Variants in ADCK1 observed in about 807,000 individuals in gnomAD.
ADCK1 encodes aarF domain containing kinase 1.
Under a neutral mutation model 52.3 loss-of-function variants are expected in ADCK1, and 41 were observed. That is an observed-to-expected ratio of 0.78 (90% CI 0.61 to 1.02). The LOEUF is 1.02. Ranked by LOEUF, ADCK1 falls within the 50% of genes least tolerant of loss-of-function variation. The probability of loss-of-function intolerance (pLI) is 0.00; values close to 1 mark genes in which losing one functional copy is unlikely to be tolerated. For synonymous variants in ADCK1, 250 were observed against 274.6 expected (o/e 0.91, Z 0.89); for missense variants, 658 against 679.5 (o/e 0.97, Z 0.35).
At chr14:77,882,748 G>T (rs957201536) in intron 4 of ADCK1, among the ~76,000 whole-genome samples, 2 of 152,226 alleles carry the variant, frequency 1.3e-5, no homozygotes, top group Middle Eastern at 3.2e-3. Flanking sequence ...TGGCTGCTCA[G>T]TGTGGCAGTT....
chr14:77,823,691 G>A (rs1211362623), intron 3 of ADCK1, among the ~76,000 whole-genome samples: 1 of 151,756 alleles, frequency 6.6e-6, no homozygotes, highest in Non-Finnish European at 1.5e-5. Context: ...TCCTGCCTCA[G>A]CCTCCTGAGT....
At chr14:77,843,221 GCCCCCAAGAGCC>G (rs2082112255) in intron 3 of ADCK1, among the ~76,000 whole-genome samples, 1 of 151,964 alleles carries the variant, frequency 6.6e-6, no homozygotes, top group South Asian at 2.1e-4. Flanking sequence ...TTTCCCACCA[GCCCCCAAGAGCC>G]CCAGGCTTTG....
intron 3 of ADCK1, among the ~76,000 whole-genome samples, chr14:77,832,569 G>C (rs181739028): frequency 1.8e-4 from 28 of 152,252 alleles, no homozygotes; most frequent in South Asian, 8.3e-4. Flanking sequence ...GATGGATTTG[G>C]GAAACACCGG....
chr14:77,863,394 A>G (rs962539), intron 4 of ADCK1, among the ~76,000 whole-genome samples: 72,222 of 151,772 alleles, frequency 0.48, 17,442 homozygotes, highest in Admixed American at 0.59. Context: ...GTTATCGTGG[A>G]AATTAAGGGA....
rs954437765 is a variant in ADCK1 at position 77,855,626 on chromosome 14, A to T, written c.220-3450A>T. Reference sequence around the variant, plus strand: ...TGACAACGTAAAGATTAGCATCTAGAAAAGAGACCTTGCGGACAGTGTGGG... The same window carrying T: ...TGACAACGTAAAGATTAGCATCTAGTAAAGAGACCTTGCGGACAGTGTGGG... On this transcript the variant is annotated intron_variant, in intron 3 of 10. Transcript: ENST00000238561. Among the ~76,000 whole-genome samples the T allele has an allele frequency of 4.6e-5, 7 of 152,290 alleles. No individual in the cohort carries two copies. In the East Asian group the frequency reaches 9.7e-4, roughly 21 times the overall value.
At chr14:77,886,954 C>CAT in intron 4 of ADCK1, 137 bp from the exon 5 acceptor site, 1 of 960,320 alleles carries the variant, frequency 1.0e-6, no homozygotes, top group South Asian at 2.0e-5. Flanking sequence ...ACAACACACA[C>CAT]ACACACTCTC....
At chr14:77,919,085 C>T (rs1595087599) in intron 7 of ADCK1, among the ~76,000 whole-genome samples, 2 of 152,176 alleles carry the variant, frequency 1.3e-5, no homozygotes, top group East Asian at 1.9e-4. Flanking sequence ...TGGAGTTTCA[C>T]TCTTGTTGCC....
chr14:77,900,608 A>AAC (rs1566717522), intron 6 of ADCK1: 6 of 446,518 alleles, frequency 1.3e-5, no homozygotes, highest in Admixed American at 4.9e-5. Flanking sequence ...ACAACAACAA[A>AAC]AAAGAAATGG....
At chr14:77,832,047 G>C (rs893122218) in intron 3 of ADCK1, among the ~76,000 whole-genome samples, 1 of 151,244 alleles carries the variant, frequency 6.6e-6, no homozygotes, top group Non-Finnish European at 1.5e-5. Flanking sequence ...GCATGATCTC[G>C]GCTTACTGCA....
intron 4 of ADCK1, among the ~76,000 whole-genome samples, chr14:77,865,599 A>G (rs2082645006): frequency 6.6e-6 from 1 of 152,266 alleles, no homozygotes; most frequent in African/African-American, 2.4e-5. Context: ...ATGATTCCCT[A>G]TGTGGCCCTC....
intron 6 of ADCK1, among the ~76,000 whole-genome samples, chr14:77,900,916 A>G (rs1275631772): frequency 2.0e-5 from 3 of 152,196 alleles, no homozygotes; most frequent in African/African-American, 7.2e-5. Flanking sequence ...AGATAATATG[A>G]AGTCGCAGCT....
intron 7 of ADCK1, chr14:77,914,550 G>C: frequency 1.0e-6 from 1 of 985,412 alleles, no homozygotes; most frequent in Non-Finnish European, 1.2e-6. Context: ...GTGTGGGAGA[G>C]GGTGGGGCTG....
At chr14:77,908,628 C>T (rs1009062577) in intron 7 of ADCK1, among the ~76,000 whole-genome samples, 1 of 152,214 alleles carries the variant, frequency 6.6e-6, no homozygotes, top group African/African-American at 2.4e-5. Context: ...TGGGCTCAAG[C>T]AGTCCTCCCA....
rs189160374 is a variant in ADCK1 at position 77,915,558 on chromosome 14, C to A, written c.858+7639C>A. On this transcript the variant is annotated intron_variant, in intron 7 of 10. Transcript: ENST00000238561. ...GGATTAAGAAAATGTGGCACATATA[C>A]ACCATGGAATACTATGCAGCCATAA... Among the ~76,000 whole-genome samples the A allele has an allele frequency of 1.1e-3, 169 of 152,240 alleles. 8 individuals carry two copies. In the East Asian group the frequency reaches 0.023, roughly 21 times the overall value.
intron 5 of ADCK1, among the ~76,000 whole-genome samples, chr14:77,897,969 C>G (rs1274165438): frequency 2.0e-5 from 3 of 152,236 alleles, no homozygotes; most frequent in East Asian, 3.9e-4. Flanking sequence ...AATCATATAA[C>G]CCCTCAGAGC....
chr14:77,878,931 C>G (rs917400926), intron 4 of ADCK1, among the ~76,000 whole-genome samples: 6 of 152,012 alleles, frequency 3.9e-5, no homozygotes, highest in Admixed American at 2.0e-4. Context: ...CCTTCCCCCC[C>G]CACGAATGAA....
At chr14:77,911,385 G>C (rs2083788037) in intron 7 of ADCK1, among the ~76,000 whole-genome samples, 1 of 152,094 alleles carries the variant, frequency 6.6e-6, no homozygotes, top group African/African-American at 2.4e-5. Context: ...AATTCTTTTT[G>C]CACCAACCCA....
chr14:77,869,159 G>C (rs2082722991), intron 4 of ADCK1, among the ~76,000 whole-genome samples: 1 of 152,174 alleles, frequency 6.6e-6, no homozygotes, highest in Non-Finnish European at 1.5e-5. Context: ...TGGTTGGATG[G>C]CGTATTGGTT....
intron 10 of ADCK1, among the ~76,000 whole-genome samples, chr14:77,932,116 T>C (rs1400947680): frequency 6.6e-6 from 1 of 151,638 alleles, no homozygotes; most frequent in Non-Finnish European, 1.5e-5. Flanking sequence ...TGGTGTGATC[T>C]CGGCTCACTG....
Sources: allele counts gnomAD v4.1 joint callset (sites outside exome capture counted in the v4.1 genomes callset), GRCh38; gene constraint gnomAD v4.1.1; transcripts MANE v1.5; gene names NCBI Gene and HGNC (gene_info 2026-07-23, HGNC 2026-07-21).